Variants in LRRC8C observed in about 807,000 individuals in gnomAD.
LRRC8C encodes leucine rich repeat containing 8 VRAC subunit C.
In LRRC8C, 20 loss-of-function variants were observed where a neutral mutation model predicts 55.3. The observed-to-expected ratio is 0.36, with a 90% confidence interval of 0.25 to 0.53. The LOEUF (loss-of-function observed/expected upper bound fraction) is 0.53. Among genes scored for constraint, LRRC8C ranks in the 20% least tolerant of loss-of-function variants. LRRC8C has a pLI of 0.92. For synonymous variants in LRRC8C, 376 were observed against 360.7 expected (o/e 1.04, Z -0.48); for missense variants, 659 against 951.4 (o/e 0.69, Z 4.04).
intron 1 of LRRC8C, among the ~76,000 whole-genome samples, chr1:89,651,429 A>T (rs565652649): frequency 9.9e-5 from 15 of 151,660 alleles, no homozygotes; most frequent in South Asian, 2.1e-4. Context: ...TTAGCCGGGC[A>T]TGGTGGCGGG....
intron 1 of LRRC8C, among the ~76,000 whole-genome samples, chr1:89,683,375 T>TA (rs1657781568): frequency 6.6e-6 from 1 of 151,636 alleles, no homozygotes; most frequent in Admixed American, 6.6e-5. Flanking sequence ...TTTTTTTTTT[T>TA]TTAAGATGGA....
intron 1 of LRRC8C, among the ~76,000 whole-genome samples, chr1:89,645,667 G>C (rs1325982163): frequency 3.9e-5 from 6 of 152,042 alleles, no homozygotes; most frequent in South Asian, 2.1e-4. Context: ...CAATATAGAT[G>C]ATGAGTGAGT....
At position 89,635,990 on chromosome 1, in the gene LRRC8C, T is replaced by C. The variant is rs567517852; in HGVS notation, c.-5+2668T>C. On this transcript the variant is annotated intron_variant, in intron 1 of 2. Transcript: ENST00000370454. ...GGTATCCTTGAATCTACTTGATTCCTTTTGAACTATAAATCATTCTGGTTT... is the reference window on the plus strand; with the variant it reads ...GGTATCCTTGAATCTACTTGATTCCCTTTGAACTATAAATCATTCTGGTTT... Among the ~76,000 whole-genome samples the C allele has an allele frequency of 3.9e-5, 6 of 152,358 alleles. No homozygotes were observed. In the South Asian group the frequency reaches 1.2e-3, roughly 32 times the overall value.
At chr1:89,687,824 G>A (rs796677747) in intron 2 of LRRC8C, among the ~76,000 whole-genome samples, 12 of 152,248 alleles carry the variant, frequency 7.9e-5, no homozygotes, top group African/African-American at 2.4e-4. Flanking sequence ...GTGATTTTTC[G>A]GGTAGATCAG....
At chr1:89,621,595 AG>A in the LRRC8C span, among the ~76,000 whole-genome samples, 341 of 152,298 alleles carry the variant, frequency 2.2e-3, 2 homozygotes, top group African/African-American at 6.9e-3. Flanking sequence ...TGTGACTTGT[AG>A]CCTAGGCAGC....
At chr1:89,624,785 T>C in the LRRC8C span, 1 of 152,200 alleles carries the variant, frequency 6.6e-6, no homozygotes, top group Non-Finnish European at 1.5e-5. Flanking sequence ...TTTTGGAATG[T>C]TGATAGGTGT....
chr1:89,649,283 T>A (rs531843688), intron 1 of LRRC8C, among the ~76,000 whole-genome samples: 1 of 152,290 alleles, frequency 6.6e-6, no homozygotes, highest in East Asian at 1.9e-4. Context: ...GAACTTCAAA[T>A]TTTATATAAT....
At chr1:89,627,131 T>A in the LRRC8C span, among the ~76,000 whole-genome samples, 1 of 151,988 alleles carries the variant, frequency 6.6e-6, no homozygotes, top group African/African-American at 2.4e-5. Context: ...TAAAAGACAC[T>A]TTTTTCACCT....
chr1:89,645,503 T>TA (rs1425218202), intron 1 of LRRC8C, among the ~76,000 whole-genome samples: 4 of 152,156 alleles, frequency 2.6e-5, no homozygotes, highest in African/African-American at 9.7e-5. Flanking sequence ...CACATCAACT[T>TA]ACCAATCTGA....
chr1:89,708,526 AGGCTGCTGTTACAAAGATAT>A, intron 2 of LRRC8C: 1 of 151,516 alleles, frequency 6.6e-6, no homozygotes, highest in Non-Finnish European at 1.5e-5. Flanking sequence ...TAATTCTCAC[AGGCTGCTGTTACAAAGATAT>A]GGCAAAAACA....
Position 89,657,546 on chromosome 1 carries a change from G to A in LRRC8C, c.-5+24224G>A, listed in dbSNP as rs922143450. ...TCATGAGGTCAGGAGTTCGAGACCA[G>A]CCTGGCCAATATGGTGAAACCCCGT... On this transcript the variant is annotated intron_variant, in intron 1 of 2. Coordinates refer to ENST00000370454, the MANE Select transcript of LRRC8C (RefSeq NM_032270.5). Among the ~76,000 whole-genome samples the A allele has an allele frequency of 9.9e-5, 15 of 152,074 alleles. No individual in the cohort carries two copies. In the East Asian group the frequency reaches 2.9e-3, roughly 29 times the overall value.
rs995648310 is a variant in LRRC8C at position 89,719,241 on chromosome 1, A to G, written c.*4259A>G. 1.3e-4 allele frequency: 20 copies of G among 152,006 alleles called. No individual in the cohort carries two copies. Among genetic ancestry groups the G allele is most frequent in the African/African-American group, 4.6e-4 (19 of 41,372 alleles). 9.4% of individuals were successfully genotyped at this position (152,006 alleles called of 1,614,324 possible). On this transcript the variant is annotated 3_prime_UTR_variant, in exon 3 of 3. Coordinates refer to ENST00000370454, the MANE Select transcript of LRRC8C (RefSeq NM_032270.5). ...ATGCATGGTTTTTAATGTGAGGTAA[A>G]TTTGTTTCTTTCTTCAGAATACCTC...
intron 1 of LRRC8C, among the ~76,000 whole-genome samples, chr1:89,682,672 C>A (rs1570721241): frequency 6.6e-6 from 1 of 152,222 alleles, no homozygotes; most frequent in Non-Finnish European, 1.5e-5. Flanking sequence ...GTGTTCTTCA[C>A]TGGTACACAC....
chr1:89,622,050 A>G, the LRRC8C span, among the ~76,000 whole-genome samples: 69 of 152,204 alleles, frequency 4.5e-4, 1 homozygote, highest in Non-Finnish European at 1.9e-4. Flanking sequence ...AACTCCAGAT[A>G]AGCAAGACTG....
intron 2 of LRRC8C, among the ~76,000 whole-genome samples, chr1:89,709,511 T>TGCATAACCTAAAATCCTGTACAGC (rs1294759188): frequency 1.3e-5 from 2 of 152,174 alleles, no homozygotes; most frequent in African/African-American, 4.8e-5. Context: ...CCTGGTACAG[T>TGCATAACCTAAAATCCTGTACAGC]GCATAACCTA....
intron 2 of LRRC8C, among the ~76,000 whole-genome samples, chr1:89,696,557 A>G (rs17130855): frequency 0.05 from 7,547 of 152,224 alleles, 622 homozygotes; most frequent in African/African-American, 0.17. Flanking sequence ...CCTAAAGGTC[A>G]TCTGAACAAT....
chr1:89,633,039 G>C (rs959501365), upstream of LRRC8C: 1 of 152,006 alleles, frequency 6.6e-6, no homozygotes, highest in Non-Finnish European at 1.5e-5. Context: ...CCGCTAGCCG[G>C]GCTGCGTGCG....
chr1:89,666,367 A>T (rs1657262255), intron 1 of LRRC8C, among the ~76,000 whole-genome samples: 1 of 151,814 alleles, frequency 6.6e-6, no homozygotes. Context: ...ATACATATGT[A>T]ACAAACCTGC....
At chr1:89,698,494 T>C (rs1658231705) in intron 2 of LRRC8C, among the ~76,000 whole-genome samples, 1 of 152,220 alleles carries the variant, frequency 6.6e-6, no homozygotes, top group African/African-American at 2.4e-5. Context: ...TTTTTAGTGC[T>C]TAATCTTTCT....
Sources: gnomAD v4.1 joint callset for allele counts (sites outside exome capture counted in the v4.1 genomes callset) on GRCh38, gnomAD v4.1.1 for gene constraint, MANE v1.5 for transcripts, NCBI Gene and HGNC (gene_info 2026-07-23, HGNC 2026-07-21) for gene names.